Variants in BCAS3 observed in about 807,000 individuals in gnomAD.
The protein encoded by BCAS3 is BCAS3 microtubule associated cell migration factor.
A neutral mutation model predicts 116.1 loss-of-function variants in BCAS3; 53 were observed. That is an observed-to-expected ratio of 0.46 (90% CI 0.37 to 0.57). BCAS3 has a LOEUF of 0.57. Ranked by LOEUF, BCAS3 falls within the 20% of genes least tolerant of loss-of-function variation. The pLI is 0.00. For missense variants in BCAS3, 917 were observed against 1,165.4 expected, an observed-to-expected ratio of 0.79 and a Z score of 3.10; for synonymous variants, 391 against 408.2, an observed-to-expected ratio of 0.96 and a Z score of 0.51.
At position 60,990,650 on chromosome 17, in the gene BCAS3, CTTT is replaced by C. The variant is rs779826122; in HGVS notation, c.1486+427_1486+429del. ...TGTATTTTAGATAGAGCAGCATTTG[CTTT>C]TTTTTTTTTTTGAGACGGAGTCTTG... On this transcript the variant is annotated intron_variant, in intron 15 of 23. Transcript: ENST00000407086. This position sits in a 1 kb window ranked among gnomAD's most constrained non-coding sequence, Gnocchi z 5.1. Among the ~76,000 whole-genome samples, 5 of 140,956 alleles carry C rather than the reference CTTT, an allele frequency of 3.5e-5. No homozygotes were observed. The highest frequency in any genetic ancestry group is 1.4e-4 in the Admixed American group (2 of 14,040). The allele number at this position is 140,956 out of a possible 152,430, so 92.5% of individuals were successfully genotyped here. A position where few individuals can be genotyped will look rare whatever the true frequency, so the allele number is the denominator to read the frequency against.
chr17:60,823,928 T>C (rs1033125605), intron 7 of BCAS3, among the ~76,000 whole-genome samples: 4 of 152,214 alleles, frequency 2.6e-5, no homozygotes, highest in African/African-American at 9.6e-5. Context: ...GCATGTCTGA[T>C]TCTGATATTG....
rs2070312634 is a variant in BCAS3 at position 61,063,703 on chromosome 17, A to T, written c.2030-11217A>T. Among the ~76,000 whole-genome samples, 1 of 152,060 alleles carries T rather than the reference A, an allele frequency of 6.6e-6. No homozygotes were observed. Among genetic ancestry groups the T allele is most frequent in the South Asian group, 2.1e-4 (1 of 4,816 alleles). ...CACCCATTAAGTGAAAAGTTTGCTC[A>T]CCTTTAATTTTTCAGTCAGAATTGG... is the stretch of plus-strand genomic sequence containing the variant. On this transcript the variant is annotated intron_variant, in intron 19 of 23. Coordinates refer to ENST00000407086, the MANE Select transcript of BCAS3 (RefSeq NM_017679.5). The surrounding 1 kb of genome is among the most constrained non-coding windows in gnomAD (Gnocchi z 5.3).
intron 12 of BCAS3, among the ~76,000 whole-genome samples, chr17:60,922,956 T>C (rs1402381396): frequency 6.6e-6 from 1 of 152,124 alleles, no homozygotes; most frequent in Non-Finnish European, 1.5e-5. Context: ...GGAAGAAAAT[T>C]TACAGCTTTA....
intron 22 of BCAS3, among the ~76,000 whole-genome samples, chr17:61,147,037 C>T (rs929907404): frequency 6.6e-6 from 1 of 151,922 alleles, no homozygotes; most frequent in Non-Finnish European, 1.5e-5. Context: ...GCCTCATCCT[C>T]CCGAGTAGTT....
At chr17:61,114,035 A>G (rs2075267668) in intron 22 of BCAS3, among the ~76,000 whole-genome samples, 1 of 151,816 alleles carries the variant, frequency 6.6e-6, no homozygotes, top group Non-Finnish European at 1.5e-5. Context: ...ACAGAATTCA[A>G]CAACCCTTCA....
At chr17:61,202,512 C>G (rs191080752) in intron 22 of BCAS3, among the ~76,000 whole-genome samples, 1 of 151,476 alleles carries the variant, frequency 6.6e-6, no homozygotes, top group Non-Finnish European at 1.5e-5. Context: ...TAAAATATTA[C>G]TTATTTAATT....
At chr17:61,287,350 G>T (rs752660474) in intron 22 of BCAS3, among the ~76,000 whole-genome samples, 2 of 152,082 alleles carry the variant, frequency 1.3e-5, no homozygotes, top group Non-Finnish European at 2.9e-5. Flanking sequence ...TGCGGTAGGG[G>T]CTGTCTTGGG....
At chr17:60,966,268 C>A (rs994310913) in intron 14 of BCAS3, among the ~76,000 whole-genome samples, 2 of 152,186 alleles carry the variant, frequency 1.3e-5, no homozygotes, top group African/African-American at 4.8e-5. Flanking sequence ...GGTCTTGTTT[C>A]TTTATCCATT....
intron 7 of BCAS3, among the ~76,000 whole-genome samples, chr17:60,846,774 C>T (rs76675608): frequency 0.03 from 4,593 of 152,026 alleles, 180 homozygotes; most frequent in East Asian, 0.091. Flanking sequence ...TCCCTTCATT[C>T]CTTCTTTCCT....
intron 14 of BCAS3, among the ~76,000 whole-genome samples, chr17:60,987,790 A>T (rs1251933057): frequency 7.9e-5 from 12 of 151,990 alleles, no homozygotes; most frequent in Non-Finnish European, 4.4e-5. Context: ...GGCTCATTTG[A>T]CTTTTTCTTT....
At position 61,214,502 on chromosome 17, in the gene BCAS3, G is replaced by A. The variant is rs531526530; in HGVS notation, c.2425+129938G>A. Among the ~76,000 whole-genome samples the A allele has an allele frequency of 6.7e-5, 10 of 149,800 alleles. No homozygotes were observed. The South Asian group carries it at 1.9e-3, about 29-fold the overall frequency. On this transcript the variant is annotated intron_variant, in intron 22 of 23. Coordinates refer to ENST00000407086, the MANE Select transcript of BCAS3 (RefSeq NM_017679.5). This position sits in a 1 kb window ranked among gnomAD's most constrained non-coding sequence, Gnocchi z 4.4. ...GATGGAGATCATCCTGGCTAACATG[G>A]TGAAACCCCGTCTCTACTAAAAATA...
chr17:60,791,517 G>A (rs78060395), intron 6 of BCAS3, among the ~76,000 whole-genome samples: 5,377 of 152,202 alleles, frequency 0.035, 365 homozygotes, highest in African/African-American at 0.12. Flanking sequence ...AGCTGGGCAT[G>A]GCGGCGCATG....
chr17:60,763,698 A>G (rs2144366502), intron 6 of BCAS3, among the ~76,000 whole-genome samples: 2 of 152,298 alleles, frequency 1.3e-5, no homozygotes, highest in Admixed American at 1.3e-4. Flanking sequence ...TATCAGGATG[A>G]TGCTGGCCTC....
intron 6 of BCAS3, among the ~76,000 whole-genome samples, chr17:60,758,054 C>T (rs1411621082): frequency 1.3e-5 from 2 of 152,132 alleles, no homozygotes; most frequent in Non-Finnish European, 2.9e-5. Context: ...TATCAAAAAT[C>T]AGTTGGTTAT....
chr17:60,729,227 G>C (rs77879520), intron 5 of BCAS3, among the ~76,000 whole-genome samples: 4,791 of 149,524 alleles, frequency 0.032, 240 homozygotes, highest in African/African-American at 0.11. Flanking sequence ...AATCTGTTTA[G>C]TTATTTTCTT....
chr17:60,924,598 C>A lies in BCAS3; in HGVS notation c.1087+98C>A, dbSNP rs559402580. On this transcript the variant is annotated intron_variant, in intron 13 of 23. Coordinates refer to ENST00000407086, the MANE Select transcript of BCAS3 (RefSeq NM_017679.5). ...TGGAATATGGAATCTGACTTTTCTT[C>A]ATGTATCAGTATATATCAGAAAAGT... 3.4e-6 allele frequency: 3 copies of A among 891,952 alleles called. No homozygotes were observed. The South Asian group carries it at 5.0e-5, about 15-fold the overall frequency. 55.3% of individuals were successfully genotyped at this position (891,952 alleles called of 1,614,324 possible). A position where few individuals can be genotyped will look rare whatever the true frequency, so the allele number is the denominator to read the frequency against.
At position 61,368,418 on chromosome 17, in the gene BCAS3, G is replaced by A. The variant is rs990519046; in HGVS notation, c.2517G>A (p.Thr839=). 1.1e-5 allele frequency: 18 copies of A among 1,612,896 alleles called. 1 individual carries two copies. Among genetic ancestry groups the A allele is most frequent in the South Asian group, 4.4e-5 (4 of 91,064 alleles). ...GGCACATGTCCTCCATGGAGCACACGGAGGAGGGCCTCCGGGAGCGACTTG... is the reference window on the plus strand; with the variant it reads ...GGCACATGTCCTCCATGGAGCACACAGAGGAGGGCCTCCGGGAGCGACTTG... ...GLRHMSSMEH[T]EEGLRERLAD... Residue 839 remains threonine (T), a synonymous_variant, in exon 23 of 24, where the codon ACG becomes ACA. Transcript: ENST00000407086. The surrounding 1 kb of genome is among the most constrained non-coding windows in gnomAD (Gnocchi z 6.0).
chr17:60,864,530 G>T (rs894164169), intron 7 of BCAS3, among the ~76,000 whole-genome samples: 4 of 152,220 alleles, frequency 2.6e-5, no homozygotes, highest in Non-Finnish European at 5.9e-5. Flanking sequence ...CTCTGGATTA[G>T]GCTTTGGCTT....
chr17:60,717,238 CAG>C (rs1368042811), intron 5 of BCAS3, among the ~76,000 whole-genome samples: 1 of 145,636 alleles, frequency 6.9e-6, no homozygotes, highest in Non-Finnish European at 1.5e-5. Flanking sequence ...TTTTGTGAGA[CAG>C]AGTCTCTCTG....
Sources: gnomAD v4.1 joint callset for allele counts (sites outside exome capture counted in the v4.1 genomes callset) on GRCh38, gnomAD v4.1.1 for gene constraint, Gnocchi (gnomAD v3.1) non-coding constraint, MANE v1.5 for transcripts, NCBI Gene and HGNC (gene_info 2026-07-23, HGNC 2026-07-21) for gene names.